Variants in TMPRSS11E observed in about 807,000 individuals in gnomAD.
TMPRSS11E encodes transmembrane serine protease 11E.
Under a neutral mutation model 48.1 loss-of-function variants are expected in TMPRSS11E, and 38 were observed. That is an observed-to-expected ratio of 0.79 (90% CI 0.61 to 1.04). The LOEUF (loss-of-function observed/expected upper bound fraction) is 1.04, where lower values mean the gene tolerates loss of function less well. Among genes scored for constraint, TMPRSS11E ranks in the 50% least tolerant of loss-of-function variants. TMPRSS11E has a pLI of 0.00. For synonymous variants in TMPRSS11E, 158 were observed against 171.9 expected (o/e 0.92, Z 0.63); for missense variants, 530 against 510.8 (o/e 1.04, Z -0.36).
At chr4:68,466,198 A>G (rs930736177) in intron 2 of TMPRSS11E, among the ~76,000 whole-genome samples, 5 of 152,292 alleles carry the variant, frequency 3.3e-5, no homozygotes, top group Admixed American at 3.3e-4. Flanking sequence ...TCTTGCGGCC[A>G]GAATTGATGT....
rs1256155714 is a variant in TMPRSS11E at position 68,468,962 on chromosome 4, T to C, written c.326+16T>C. 6.3e-7 allele frequency: 1 copy of C among 1,589,318 alleles called. No homozygotes were observed. Among genetic ancestry groups the C allele is most frequent in the East Asian group, 2.2e-5 (1 of 44,712 alleles). Reference sequence around the variant, plus strand: ...TCAAGTTCAGGTATGTAAATCTGAATTGCTGACTTCTGAATTTAAAGTTGA... The same window carrying C: ...TCAAGTTCAGGTATGTAAATCTGAACTGCTGACTTCTGAATTTAAAGTTGA... On this transcript the variant is annotated intron_variant, in intron 4 of 9. Transcript: ENST00000305363.
chr4:68,451,800 G>A (rs1728505053), intron 1 of TMPRSS11E, among the ~76,000 whole-genome samples: 1 of 151,806 alleles, frequency 6.6e-6, no homozygotes, highest in South Asian at 2.1e-4. Flanking sequence ...GCTCAGACAG[G>A]TAATTTTTTT....
At chr4:68,492,984 A>G (rs553855571) in intron 9 of TMPRSS11E, among the ~76,000 whole-genome samples, 9 of 152,218 alleles carry the variant, frequency 5.9e-5, no homozygotes, top group East Asian at 1.9e-4. Context: ...AACATCGTGC[A>G]CTTTTACATT....
At chr4:68,494,210 C>A in intron 9 of TMPRSS11E, among the ~76,000 whole-genome samples, 1 of 151,874 alleles carries the variant, frequency 6.6e-6, no homozygotes, top group African/African-American at 2.4e-5. Flanking sequence ...CAACTCTTGC[C>A]CATATTTAGT....
At chr4:68,471,873 C>T (rs1030017778) in intron 5 of TMPRSS11E, among the ~76,000 whole-genome samples, 1 of 151,800 alleles carries the variant, frequency 6.6e-6, no homozygotes, top group African/African-American at 2.4e-5. Flanking sequence ...TATAGTTTGG[C>T]TATAGAATCC....
At chr4:68,480,843 G>T (rs1729380833) in intron 9 of TMPRSS11E, among the ~76,000 whole-genome samples, 1 of 151,994 alleles carries the variant, frequency 6.6e-6, no homozygotes, top group African/African-American at 2.4e-5. Context: ...ACATCTGCAG[G>T]ATTGTTACAT....
chr4:68,463,680 A>T (rs1316024278), intron 2 of TMPRSS11E, among the ~76,000 whole-genome samples: 1 of 152,156 alleles, frequency 6.6e-6, no homozygotes, highest in Non-Finnish European at 1.5e-5. Context: ...ATTGAGTCCT[A>T]CTTTGTTGTA....
At chr4:68,496,157 T>C (rs1328085478) in intron 9 of TMPRSS11E, among the ~76,000 whole-genome samples, 3 of 152,154 alleles carry the variant, frequency 2.0e-5, no homozygotes, top group Non-Finnish European at 4.4e-5. Flanking sequence ...GATAAATAAA[T>C]TAAAGGTCTT....
intron 9 of TMPRSS11E, among the ~76,000 whole-genome samples, chr4:68,480,144 T>C (rs1178039613): frequency 6.6e-6 from 1 of 152,160 alleles, no homozygotes; most frequent in African/African-American, 2.4e-5. Flanking sequence ...TTTGCTCAGC[T>C]TTTTGAATAT....
intron 9 of TMPRSS11E, among the ~76,000 whole-genome samples, chr4:68,483,455 T>C (rs940147715): frequency 2.0e-5 from 3 of 152,198 alleles, no homozygotes; most frequent in Non-Finnish European, 4.4e-5. Context: ...CTATGTTTTT[T>C]TTCCCCATTT....
At chr4:68,473,677 G>C (rs1018937621) in intron 5 of TMPRSS11E, among the ~76,000 whole-genome samples, 1 of 152,096 alleles carries the variant, frequency 6.6e-6, no homozygotes, top group Admixed American at 6.6e-5. Flanking sequence ...CATTGTGAGT[G>C]TGAGACCCAG....
chr4:68,486,345 A>G (rs900287717), intron 9 of TMPRSS11E, among the ~76,000 whole-genome samples: 5 of 152,104 alleles, frequency 3.3e-5, no homozygotes, highest in African/African-American at 1.2e-4. Context: ...TTGTATCTTT[A>G]TTTTCATTAA....
At chr4:68,464,541 A>G (rs1413822735) in intron 2 of TMPRSS11E, among the ~76,000 whole-genome samples, 4 of 152,190 alleles carry the variant, frequency 2.6e-5, no homozygotes, top group Non-Finnish European at 4.4e-5. Context: ...TATTCCCAAC[A>G]TATTTTAGTA....
intron 9 of TMPRSS11E, among the ~76,000 whole-genome samples, chr4:68,494,383 G>GT (rs967582442): frequency 6.6e-5 from 10 of 151,910 alleles, no homozygotes; most frequent in Non-Finnish European, 1.2e-4. Context: ...CACTATTAGA[G>GT]TTTTTTTTAC....
chr4:68,455,716 T>G (rs1357570349), intron 1 of TMPRSS11E, among the ~76,000 whole-genome samples: 1 of 152,002 alleles, frequency 6.6e-6, no homozygotes, highest in African/African-American at 2.4e-5. Context: ...TGCTTGTTAA[T>G]TCTTATTTTT....
chr4:68,471,983 A>G (rs141622275), intron 5 of TMPRSS11E, among the ~76,000 whole-genome samples: 4,403 of 151,954 alleles, frequency 0.029, 233 homozygotes, highest in African/African-American at 0.1. Context: ...CATGCCATTT[A>G]CACATTTGTT....
chr4:68,489,239 G>A (rs1729648237), intron 9 of TMPRSS11E, among the ~76,000 whole-genome samples: 1 of 152,172 alleles, frequency 6.6e-6, no homozygotes, highest in East Asian at 1.9e-4. Context: ...GGTTAGCTCA[G>A]CACTCCTGGG....
At chr4:68,457,187 A>T (rs1383288396) in intron 1 of TMPRSS11E, among the ~76,000 whole-genome samples, 2 of 152,242 alleles carry the variant, frequency 1.3e-5, no homozygotes, top group Non-Finnish European at 2.9e-5. Flanking sequence ...AGAATCTACA[A>T]AGAACTTAAA....
At position 68,468,897 on chromosome 4, in the gene TMPRSS11E, A is replaced by G. The variant is rs745551840; in HGVS notation, c.277A>G (p.Lys93Glu). 1.2e-6 allele frequency: 2 copies of G among 1,609,180 alleles called. No homozygotes were observed. The highest frequency in any genetic ancestry group is 2.2e-5 in the South Asian group (2 of 90,924). The change falls in exon 4 of 10, where the codon AAA becomes GAA. Residue 93 changes from lysine (K) to glutamate (E), a missense_variant. Lys to Glu is a moderately conservative substitution (Grantham distance 56). Transcript: ENST00000305363. ...CAAACAGGTGAAAAATGCATTTTAT[A>G]AATCTCCATTAAGGGAAGAATTTGT... ...LESMVKNAFYKSPLREEFVKS... is the reference protein window; with the variant it reads ...LESMVKNAFYESPLREEFVKS...
Sources: allele counts gnomAD v4.1 joint callset (sites outside exome capture counted in the v4.1 genomes callset), GRCh38; gene constraint gnomAD v4.1.1; transcripts MANE v1.5; gene names NCBI Gene and HGNC (gene_info 2026-07-23, HGNC 2026-07-21).